H6PD: variants seen among roughly 807,000 people sequenced by gnomAD.
H6PD encodes the protein hexose-6-phosphate dehydrogenase/glucose 1-dehydrogenase, also known as GDH/6PGL endoplasmic bifunctional protein.
A neutral mutation model predicts 61.2 loss-of-function variants in H6PD; 48 were observed. The ratio of observed to expected loss-of-function variants is 0.78; its 90% CI spans 0.62 to 1.00. The LOEUF (loss-of-function observed/expected upper bound fraction) is 1.00, where lower values mean the gene tolerates loss of function less well. Ranked by LOEUF, H6PD falls within the 50% of genes least tolerant of loss-of-function variation. H6PD has a pLI of 0.00. For missense variants in H6PD, 1,093 were observed against 1,065.0 expected, an observed-to-expected ratio of 1.03 and a Z score of -0.37; for synonymous variants, 480 against 457.9, an observed-to-expected ratio of 1.05 and a Z score of -0.62.
intron 1 of H6PD, chr1:9,242,903 A>T: frequency 1.0e-6 from 1 of 985,486 alleles, no homozygotes; most frequent in Non-Finnish European, 1.2e-6. Context: ...CGGTTGAGGA[A>T]AAAACGCTTG....
intron 3 of H6PD, among the ~76,000 whole-genome samples, chr1:9,256,376 T>G (rs1641516906): frequency 6.6e-6 from 1 of 152,180 alleles, no homozygotes; most frequent in Admixed American, 6.5e-5. Flanking sequence ...AGCTCCTGGT[T>G]GTTATGGCCG....
intron 3 of H6PD, among the ~76,000 whole-genome samples, chr1:9,252,719 C>T (rs1467333907): frequency 6.6e-6 from 1 of 152,182 alleles, no homozygotes; most frequent in Non-Finnish European, 1.5e-5. Context: ...TAAGTATATA[C>T]TTCGGCAGTA....
At chr1:9,259,432 G>A (rs1205356074) in intron 3 of H6PD, among the ~76,000 whole-genome samples, 1 of 152,132 alleles carries the variant, frequency 6.6e-6, no homozygotes, top group Non-Finnish European at 1.5e-5. Flanking sequence ...TGTTACACCA[G>A]TGTTATGTTG....
Position 9,245,635 on chromosome 1 carries a change from G to T in H6PD, c.627+74G>T. On this transcript the variant is annotated intron_variant, in intron 2 of 4. Transcript: ENST00000377403. This position sits in a 1 kb window ranked among gnomAD's most constrained non-coding sequence, Gnocchi z 4.8. ...GTAGACCCCAGCAACAAAGCCGCTC[G>T]CTCATTGTGGAGCTAGGCCCCAAGG... is the stretch of plus-strand genomic sequence containing the variant. 6.9e-7 allele frequency: 1 copy of T among 1,443,036 alleles called. No individual in the cohort carries two copies. 89.4% of individuals were successfully genotyped at this position (1,443,036 alleles called of 1,614,324 possible). A position where few individuals can be genotyped will look rare whatever the true frequency, so the allele number is the denominator to read the frequency against.
chr1:9,235,719 T>C (rs1640832248), intron 1 of H6PD, among the ~76,000 whole-genome samples: 1 of 152,218 alleles, frequency 6.6e-6, no homozygotes, highest in Non-Finnish European at 1.5e-5. Flanking sequence ...CAGGCCATCG[T>C]CCTGCCTCAG....
At chr1:9,235,663 T>TAC (rs1436099780) in intron 1 of H6PD, among the ~76,000 whole-genome samples, 1 of 152,160 alleles carries the variant, frequency 6.6e-6, no homozygotes, top group Non-Finnish European at 1.5e-5. Flanking sequence ...CAGGCTGGAG[T>TAC]ACAGTGGCAC....
At chr1:9,263,127 C>T (rs1890684) in intron 4 of H6PD, among the ~76,000 whole-genome samples, 5 of 151,728 alleles carry the variant, frequency 3.3e-5, no homozygotes, top group Non-Finnish European at 5.9e-5. Context: ...AAGCACGTTT[C>T]TCTGTAGGAC....
intron 4 of H6PD, among the ~76,000 whole-genome samples, chr1:9,262,714 A>C (rs1638365349): frequency 1.3e-5 from 2 of 152,196 alleles, no homozygotes; most frequent in South Asian, 4.1e-4. Context: ...GTGCCATGCC[A>C]GGGCTGTCCT....
chr1:9,240,094 G>A, intron 1 of H6PD: 1 of 938,932 alleles, frequency 1.1e-6, no homozygotes. Context: ...CCCAGGACTG[G>A]GTTCACGTGC....
Position 9,245,005 on chromosome 1 carries a change from G to A in H6PD, c.71G>A (p.Gly24Glu), listed in dbSNP as rs1641117965. 6.2e-7 allele frequency: 1 copy of A among 1,614,132 alleles called. No homozygotes were observed. Among genetic ancestry groups the A allele is most frequent in the South Asian group, 1.1e-5 (1 of 91,084 alleles). The part of the protein sequence containing the change: ...LGCLQAQELQ[G>E]HVSIILLGAT... ...TGCCTGCAAGCCCAGGAGCTCCAGG[G>A]ACATGTCTCCATAATCCTGCTGGGA... The change falls in exon 2 of 5, where the codon GGA becomes GAA. Residue 24 changes from glycine (G) to glutamate (E), a missense_variant. Gly to Glu is a moderately conservative substitution (Grantham distance 98). Coordinates refer to ENST00000377403, the MANE Select transcript of H6PD (RefSeq NM_004285.4). The surrounding 1 kb of genome is among the most constrained non-coding windows in gnomAD (Gnocchi z 4.8).
At chr1:9,238,458 G>A (rs1259281920) in intron 1 of H6PD, among the ~76,000 whole-genome samples, 19 of 152,226 alleles carry the variant, frequency 1.2e-4, no homozygotes, top group Non-Finnish European at 2.9e-5. Context: ...AATCCAGACG[G>A]AGATGACGGT....
At chr1:9,256,345 C>T (rs772705284) in intron 3 of H6PD, among the ~76,000 whole-genome samples, 3 of 152,204 alleles carry the variant, frequency 2.0e-5, no homozygotes, top group Non-Finnish European at 4.4e-5. Flanking sequence ...TTTAGTATCC[C>T]TGGACAGAGC....
At chr1:9,236,794 G>A (rs960315394) in intron 1 of H6PD, among the ~76,000 whole-genome samples, 9 of 152,166 alleles carry the variant, frequency 5.9e-5, no homozygotes, top group African/African-American at 2.2e-4. Context: ...GGTACAGAGA[G>A]GTTAAATAAC....
chr1:9,239,070 A>G (rs1168865560), intron 1 of H6PD, among the ~76,000 whole-genome samples: 2 of 151,498 alleles, frequency 1.3e-5, no homozygotes, highest in Admixed American at 6.6e-5. Context: ...TTTTTGAGAC[A>G]GAGTCTCACT....
chr1:9,259,358 T>C lies in H6PD; in HGVS notation c.746-2701T>C, dbSNP rs117794226. ...TTGTTGTTACACTGGTGTTGTATGG[T>C]TACACCATTGTTGCGCCAGTGTTGT... On this transcript the variant is annotated intron_variant, in intron 3 of 4. Transcript: ENST00000377403. 1.2e-3 allele frequency among the ~76,000 whole-genome samples: 183 copies of C among 152,338 alleles called. 5 individuals are homozygous for C. The East Asian group carries it at 0.034, about 29-fold the overall frequency.
chr1:9,243,393 T>C (rs1465829818), intron 1 of H6PD, among the ~76,000 whole-genome samples: 1 of 152,232 alleles, frequency 6.6e-6, no homozygotes. Flanking sequence ...CTTTACCTGG[T>C]AAATGCCTGA....
intron 3 of H6PD, among the ~76,000 whole-genome samples, chr1:9,261,158 G>A (rs1016740592): frequency 1.3e-5 from 2 of 152,040 alleles, no homozygotes; most frequent in African/African-American, 4.8e-5. Flanking sequence ...ACCAGGGGTC[G>A]ATCCCCAATA....
At chr1:9,258,379 G>A (rs1370159717) in intron 3 of H6PD, among the ~76,000 whole-genome samples, 1 of 152,204 alleles carries the variant, frequency 6.6e-6, no homozygotes, top group Admixed American at 6.5e-5. Flanking sequence ...CACTGGTGTT[G>A]TCATTCTTAT....
chr1:9,264,957 G>C lies in H6PD; in HGVS notation c.*88G>C. On this transcript the variant is annotated 3_prime_UTR_variant, in exon 5 of 5. Transcript: ENST00000377403. ...TTCTCGGCCCCGCCACCTGCCCAGC[G>C]TGCCCTGGCTCTCCAGAACCTTCTA... The C allele has an allele frequency of 7.0e-7, 1 of 1,428,324 alleles. No homozygotes were observed. Among genetic ancestry groups the C allele is most frequent in the South Asian group, 1.2e-5 (1 of 85,460 alleles). The allele number at this position is 1,428,324 out of a possible 1,614,324, so 88.5% of individuals were successfully genotyped here.
Sources: allele counts gnomAD v4.1 joint callset (sites outside exome capture counted in the v4.1 genomes callset), GRCh38; gene constraint gnomAD v4.1.1; non-coding constraint Gnocchi (gnomAD v3.1); transcripts MANE v1.5; gene names NCBI Gene and HGNC (gene_info 2026-07-23, HGNC 2026-07-21).